The following HMCN1 variants were observed in gnomAD, a reference collection of about 807,000 sequenced individuals.
HMCN1 encodes the protein hemicentin 1, also known as hemicentin-1.
HMCN1 carries 321 observed loss-of-function variants against 625.9 expected under a neutral mutation model. That is an observed-to-expected ratio of 0.51 (90% CI 0.47 to 0.56). HMCN1 has a LOEUF of 0.56. Among genes scored for constraint, HMCN1 ranks in the 20% least tolerant of loss-of-function variants. HMCN1 has a pLI of 0.00. For synonymous variants in HMCN1, 2,425 were observed against 2,417.6 expected (o/e 1.00, Z -0.09); for missense variants, 6,588 against 6,887.3 (o/e 0.96, Z 1.54).
At chr1:185,814,687 TTA>T (rs1361298961) in intron 1 of HMCN1, among the ~76,000 whole-genome samples, 19 of 148,252 alleles carry the variant, frequency 1.3e-4, no homozygotes, top group Non-Finnish European at 2.5e-4. Context: ...TTTTTAATTA[TTA>T]TTATTTATTT....
At chr1:185,864,445 T>C (rs762764575) in intron 2 of HMCN1, 25 bp from the exon 3 acceptor site, 4 of 1,612,248 alleles carry the variant, frequency 2.5e-6, no homozygotes, top group South Asian at 2.2e-5. Flanking sequence ...GATGACGTAA[T>C]TGAATTTTTC....
At position 186,190,802 on chromosome 1, in the gene HMCN1, G is replaced by A. The variant is rs1653681396; in HGVS notation, c.*924G>A. On this transcript the variant is annotated 3_prime_UTR_variant, in exon 107 of 107. Transcript: ENST00000271588. ...ATAGACTCTAAGCAATTGCCAAGAT[G>A]TATTCTATTTTTATGAAGTGTATAT... The A allele has an allele frequency of 5.2e-6, 1 of 193,878 alleles. No homozygotes were observed. 12.0% of individuals were successfully genotyped at this position (193,878 alleles called of 1,614,324 possible). A position where few individuals can be genotyped will look rare whatever the true frequency, so the allele number is the denominator to read the frequency against.
chr1:186,152,911 G>A, intron 96 of HMCN1, 40 bp downstream of exon 96: 1 of 1,610,966 alleles, frequency 6.2e-7, no homozygotes, highest in Non-Finnish European at 8.5e-7. Context: ...GCTTATTAGA[G>A]TAATGATGAG....
intron 58 of HMCN1, among the ~76,000 whole-genome samples, chr1:186,086,814 TGATAGATAGATAGATAGATAGATA>T (rs10523445): frequency 6.8e-5 from 5 of 73,714 alleles, no homozygotes; most frequent in South Asian, 6.7e-4. Context: ...GATAGATAGA[TGATAGATAGATAGATAGATAGATA>T]GATAGATAGA....
intron 4 of HMCN1, among the ~76,000 whole-genome samples, chr1:185,904,875 A>G (rs1040801339): frequency 6.6e-6 from 1 of 151,774 alleles, no homozygotes; most frequent in Admixed American, 6.6e-5. Flanking sequence ...CACTTACCAG[A>G]TGGATGCATT....
intron 44 of HMCN1, among the ~76,000 whole-genome samples, chr1:186,054,795 T>C (rs1296153026): frequency 6.6e-6 from 1 of 152,020 alleles, no homozygotes; most frequent in African/African-American, 2.4e-5. Context: ...GTAGCTGTTA[T>C]TGTGGTATCA....
chr1:186,107,004 C>CA (rs778555982), intron 70 of HMCN1, 39 bp downstream of exon 70: 22 of 1,218,086 alleles, frequency 1.8e-5, no homozygotes, highest in Non-Finnish European at 2.7e-5. Flanking sequence ...ATCATACACA[C>CA]ACCTAATTAG....
intron 71 of HMCN1, among the ~76,000 whole-genome samples, chr1:186,108,935 C>T (rs915346515): frequency 3.3e-5 from 5 of 152,170 alleles, no homozygotes; most frequent in Non-Finnish European, 7.3e-5. Context: ...CCATCAAAGT[C>T]TCAAAATAAC....
intron 14 of HMCN1, among the ~76,000 whole-genome samples, chr1:185,966,665 A>G (rs1341443776): frequency 3.3e-5 from 5 of 152,136 alleles, no homozygotes; most frequent in Admixed American, 2.0e-4. Context: ...GATTATTGAG[A>G]TGCTGTTTGC....
intron 67 of HMCN1, among the ~76,000 whole-genome samples, chr1:186,094,991 C>T (rs1201632766): frequency 6.6e-6 from 1 of 152,038 alleles, no homozygotes; most frequent in East Asian, 1.9e-4. Context: ...TGAAAAATCA[C>T]CAAAATTTAA....
At chr1:185,757,396 G>C (rs1320369776) in intron 1 of HMCN1, among the ~76,000 whole-genome samples, 1 of 151,982 alleles carries the variant, frequency 6.6e-6, no homozygotes, top group Non-Finnish European at 1.5e-5. Flanking sequence ...ATCTTCCTAT[G>C]AATGCCATGT....
chr1:185,880,509 A>G (rs975815355), intron 4 of HMCN1, among the ~76,000 whole-genome samples: 12 of 152,138 alleles, frequency 7.9e-5, no homozygotes, highest in African/African-American at 2.9e-4. Context: ...CCTCTGTTGC[A>G]ATAGCCAACC....
chr1:186,163,307 A>G (rs1274317502), intron 97 of HMCN1, among the ~76,000 whole-genome samples: 1 of 152,190 alleles, frequency 6.6e-6, no homozygotes, highest in African/African-American at 2.4e-5. Flanking sequence ...AGGTGCCATC[A>G]GTTACCCCTT....
intron 4 of HMCN1, among the ~76,000 whole-genome samples, chr1:185,867,003 C>T (rs1663292332): frequency 6.6e-6 from 1 of 152,030 alleles, no homozygotes; most frequent in African/African-American, 2.4e-5. Flanking sequence ...TCATGACAGA[C>T]TCCTTTGTGT....
intron 39 of HMCN1, among the ~76,000 whole-genome samples, chr1:186,040,164 T>C (rs1180161370): frequency 1.3e-5 from 2 of 152,108 alleles, no homozygotes; most frequent in Non-Finnish European, 2.9e-5. Flanking sequence ...CTCCACTTTC[T>C]GCTGCTACCA....
intron 89 of HMCN1, among the ~76,000 whole-genome samples, chr1:186,141,848 A>G (rs1247893829): frequency 6.6e-6 from 1 of 152,208 alleles, no homozygotes; most frequent in Non-Finnish European, 1.5e-5. Flanking sequence ...AGGGCAGAAT[A>G]GTTATTCAAG....
chr1:186,128,776 G>A (rs6673390), intron 83 of HMCN1, among the ~76,000 whole-genome samples: 63,144 of 151,646 alleles, frequency 0.42, 13,815 homozygotes, highest in East Asian at 0.57. Flanking sequence ...AGTTAAGGTC[G>A]TGTCTGGAAC....
At position 186,045,936 on chromosome 1, in the gene HMCN1, G is replaced by A. The variant is rs138700600; in HGVS notation, c.6480+73G>A. On this transcript the variant is annotated intron_variant, in intron 41 of 106. Coordinates refer to ENST00000271588, the MANE Select transcript of HMCN1 (RefSeq NM_031935.3). ...TGGTTTTGGTATTACCCTATTTAGCGTGACTGTCTTTTATAAGTGTTGGAC... is the reference window on the plus strand; with the variant it reads ...TGGTTTTGGTATTACCCTATTTAGCATGACTGTCTTTTATAAGTGTTGGAC... 7.0e-4 allele frequency: 746 copies of A among 1,069,634 alleles called. 4 individuals carry two copies. The African/African-American group carries it at 9.5e-3, about 14-fold the overall frequency. 66.3% of individuals were successfully genotyped at this position (1,069,634 alleles called of 1,614,324 possible).
chr1:186,162,308 T>TA (rs1224209926), intron 97 of HMCN1, among the ~76,000 whole-genome samples: 1 of 151,890 alleles, frequency 6.6e-6, no homozygotes, highest in East Asian at 1.9e-4. Context: ...TTATTCTAGT[T>TA]ATACATTCAT....
Sources: gnomAD v4.1 joint callset for allele counts (sites outside exome capture counted in the v4.1 genomes callset) on GRCh38, gnomAD v4.1.1 for gene constraint, MANE v1.5 for transcripts, NCBI Gene and HGNC (gene_info 2026-07-23, HGNC 2026-07-21) for gene names.